Variants in MIB1 observed in about 807,000 individuals in gnomAD.
MIB1 encodes MIB E3 ubiquitin protein ligase 1.
MIB1 carries 278 observed loss-of-function variants against 124.5 expected under a neutral mutation model. The observed-to-expected ratio is 2.23, with a 90% CI of 2.02 to 2.47. The LOEUF (loss-of-function observed/expected upper bound fraction) is 2.47. Among genes scored for constraint, MIB1 ranks in the 30% most tolerant of loss-of-function variants. MIB1 has a pLI of 0.00. For missense variants in MIB1, 957 were observed against 1,254.4 expected, an observed-to-expected ratio of 0.76 and a Z score of 3.58; for synonymous variants, 446 against 429.4, an observed-to-expected ratio of 1.04 and a Z score of -0.48.
In MIB1 at chr18:21,745,675, AACACACAC is replaced by A. The variant is rs144491531; in HGVS notation, c.229+3891_229+3898del. ...CCCCATGGTGAGTGCATAGGTGTTA[AACACACAC>A]ACACACACACACACACACACACACA... On this transcript the variant is annotated intron_variant, in intron 1 of 20. Coordinates refer to ENST00000261537, the MANE Select transcript of MIB1 (RefSeq NM_020774.4). 2.9e-3 allele frequency among the ~76,000 whole-genome samples: 418 copies of A among 144,736 alleles called. 1 individual carries two copies. The highest frequency in any genetic ancestry group is 5.0e-3 in the African/African-American group (196 of 39,422). 95.0% of individuals were successfully genotyped at this position (144,736 alleles called of 152,430 possible).
In MIB1 at chr18:21,761,917, A is replaced by G. The variant is rs560032441; in HGVS notation, c.230-3855A>G. Among the ~76,000 whole-genome samples the G allele has an allele frequency of 1.1e-3, 157 of 142,924 alleles. 1 individual carries two copies. Among genetic ancestry groups the G allele is most frequent in the Non-Finnish European group, 2.0e-3 (131 of 66,144 alleles). 93.8% of individuals were successfully genotyped at this position (142,924 alleles called of 152,430 possible). A position where few individuals can be genotyped will look rare whatever the true frequency, so the allele number is the denominator to read the frequency against. On this transcript the variant is annotated intron_variant, in intron 1 of 20. Transcript: ENST00000261537. ...CATGCCGATGAGAGCACACATAGAA[A>G]ATGTGTACCCAGAAAACAATCTGGA... is the stretch of plus-strand genomic sequence containing the variant.
chr18:21,839,457 T>C (rs1262805541), intron 13 of MIB1, among the ~76,000 whole-genome samples: 1 of 152,220 alleles, frequency 6.6e-6, no homozygotes, highest in Non-Finnish European at 1.5e-5. Context: ...TCTTTCTTTG[T>C]CTTTCTCAGG....
At chr18:21,845,844 C>T (rs1004565215) in intron 15 of MIB1, among the ~76,000 whole-genome samples, 9 of 151,940 alleles carry the variant, frequency 5.9e-5, no homozygotes, top group Non-Finnish European at 1.0e-4. Flanking sequence ...AGACTGGTCC[C>T]GAACTCCTGA....
chr18:21,738,749 G>T (rs2040806628), upstream of MIB1, among the ~76,000 whole-genome samples: 1 of 133,076 alleles, frequency 7.5e-6, no homozygotes, highest in Admixed American at 8.6e-5. Flanking sequence ...GGAGCTTGCA[G>T]TGAGCTGAGA....
chr18:21,832,949 G>T (rs1485673768), intron 12 of MIB1, among the ~76,000 whole-genome samples: 2 of 152,136 alleles, frequency 1.3e-5, no homozygotes, highest in East Asian at 3.8e-4. Context: ...TATGTGCCAG[G>T]TTCTCTTTCT....
chr18:21,762,687 A>G (rs550225732), intron 1 of MIB1, among the ~76,000 whole-genome samples: 34 of 152,306 alleles, frequency 2.2e-4, no homozygotes, highest in African/African-American at 8.2e-4. Flanking sequence ...CTAAAAACAA[A>G]CAAAAACAGG....
At position 21,867,822 on chromosome 18, in the gene MIB1, C is replaced by G. The variant is rs974150217; in HGVS notation, c.*3156C>G. Reference sequence around the variant, plus strand: ...GTGTTGCCCAATTGCTGTTTGTCCACTCTGAATTCTGGACCCTTTTTGGAC... The same window carrying G: ...GTGTTGCCCAATTGCTGTTTGTCCAGTCTGAATTCTGGACCCTTTTTGGAC... On this transcript the variant is annotated 3_prime_UTR_variant, in exon 21 of 21. Transcript: ENST00000261537. The G allele has an allele frequency of 6.6e-6, 1 of 152,512 alleles. No individual in the cohort carries two copies. The highest frequency in any genetic ancestry group is 1.5e-5 in the Non-Finnish European group (1 of 67,948). 9.4% of individuals were successfully genotyped at this position (152,512 alleles called of 1,614,324 possible). A position where few individuals can be genotyped will look rare whatever the true frequency, so the allele number is the denominator to read the frequency against.
At chr18:21,839,760 C>G (rs1054210696) in intron 13 of MIB1, among the ~76,000 whole-genome samples, 1 of 152,154 alleles carries the variant, frequency 6.6e-6, no homozygotes, top group South Asian at 2.1e-4. Flanking sequence ...CCTCAGCCTC[C>G]CAAAGTGCCA....
intron 20 of MIB1, among the ~76,000 whole-genome samples, chr18:21,860,098 C>CTTTTTTTTTTTTTTTTTTTTTTTTT (rs398032096): frequency 3.8e-5 from 1 of 26,460 alleles, no homozygotes; most frequent in Non-Finnish European, 7.0e-5. Context: ...TTCTTTATGT[C>CTTTTTTTTTTTTTTTTTTTTTTTTT]TTTTTTTTTT....
At chr18:21,757,227 G>T (rs2041043030) in intron 1 of MIB1, among the ~76,000 whole-genome samples, 1 of 151,652 alleles carries the variant, frequency 6.6e-6, no homozygotes, top group Non-Finnish European at 1.5e-5. Flanking sequence ...TAAGGTGGGT[G>T]GATCGCTTGG....
chr18:21,753,304 G>A (rs1452020751), intron 1 of MIB1, among the ~76,000 whole-genome samples: 2 of 151,252 alleles, frequency 1.3e-5, no homozygotes, highest in Non-Finnish European at 3.0e-5. Flanking sequence ...TTCTCCTGCC[G>A]CAGCCTCCTA....
intron 12 of MIB1, among the ~76,000 whole-genome samples, chr18:21,834,863 A>G (rs769445508): frequency 1.3e-5 from 2 of 152,240 alleles, no homozygotes; most frequent in South Asian, 4.1e-4. Flanking sequence ...ACTTTGGTTA[A>G]TAACAGCGCT....
intron 17 of MIB1, among the ~76,000 whole-genome samples, 170 bp downstream of exon 17, chr18:21,849,558 T>C (rs968136534): frequency 3.3e-5 from 5 of 152,180 alleles, no homozygotes; most frequent in African/African-American, 1.2e-4. Flanking sequence ...TTTCTTATTT[T>C]ATTGCTTGTT....
intron 6 of MIB1, among the ~76,000 whole-genome samples, chr18:21,789,081 A>G (rs1446387325): frequency 6.6e-6 from 1 of 152,196 alleles, no homozygotes; most frequent in Non-Finnish European, 1.5e-5. Flanking sequence ...GTGGCTTAAC[A>G]GAGATTTATT....
intron 10 of MIB1, among the ~76,000 whole-genome samples, chr18:21,815,080 T>A (rs1246062539): frequency 7.2e-6 from 1 of 139,396 alleles, no homozygotes; most frequent in Non-Finnish European, 1.5e-5. Flanking sequence ...AATGTATATA[T>A]ATAAATAAAT....
rs1347704014 is a variant in MIB1, at chr18:21,870,778, T to G, written c.*6112T>G. The G allele has an allele frequency of 2.0e-5, 3 of 152,180 alleles. No individual in the cohort carries two copies. Among genetic ancestry groups the G allele is most frequent in the Admixed American group, 6.5e-5 (1 of 15,280 alleles). The allele number at this position is 152,180 out of a possible 1,614,324, so 9.4% of individuals were successfully genotyped here. On this transcript the variant is annotated 3_prime_UTR_variant, in exon 21 of 21. Transcript: ENST00000261537. Reference sequence around the variant, plus strand: ...GAGGAAAAACATCTGAAAAAATATCTTTTGTTTATTTGAAAAAAGCATATA... The same window carrying G: ...GAGGAAAAACATCTGAAAAAATATCGTTTGTTTATTTGAAAAAAGCATATA...
chr18:21,833,602 G>A (rs1189119158), intron 12 of MIB1, among the ~76,000 whole-genome samples: 1 of 152,138 alleles, frequency 6.6e-6, no homozygotes, highest in Non-Finnish European at 1.5e-5. Context: ...CCACAGTTTA[G>A]CTAGTAGGGT....
rs139764466 is a variant in MIB1, at chr18:21,798,169, A to T, written c.1178A>T (p.Asn393Ile). 1 of 1,613,222 alleles carries T rather than the reference A, an allele frequency of 6.2e-7. No individual in the cohort carries two copies. Among genetic ancestry groups the T allele is most frequent in the East Asian group, 2.2e-5 (1 of 44,870 alleles). Reference sequence around the variant, plus strand: ...GTTTGTGGAACATCTTGGACATACAATCCAGCAGCAGTTTCCAAGGTGGCA... The same window carrying T: ...GTTTGTGGAACATCTTGGACATACATTCCAGCAGCAGTTTCCAAGGTGGCA... ...VEVCGTSWTY[N>I]PAAVSKVASA... Residue 393 changes from asparagine to isoleucine, a missense_variant, in exon 8 of 21, where the codon AAT becomes ATT. Coordinates refer to ENST00000261537, the MANE Select transcript of MIB1 (RefSeq NM_020774.4).
At chr18:21,768,951 T>C (rs145196118) in intron 3 of MIB1, among the ~76,000 whole-genome samples, 199 bp downstream of exon 3, 1 of 152,300 alleles carries the variant, frequency 6.6e-6, no homozygotes, top group East Asian at 1.9e-4. Flanking sequence ...AGAGGGTCAT[T>C]AGGTAGGTTT....
Sources: allele counts gnomAD v4.1 joint callset (sites outside exome capture counted in the v4.1 genomes callset), GRCh38; gene constraint gnomAD v4.1.1; transcripts MANE v1.5; gene names NCBI Gene and HGNC (gene_info 2026-07-23, HGNC 2026-07-21).